The following TTC13 variants were observed in gnomAD, a reference collection of about 807,000 sequenced individuals.
TTC13 encodes tetratricopeptide repeat domain 13.
Under a neutral mutation model 120.0 loss-of-function variants are expected in TTC13, and 62 were observed. The ratio of observed to expected loss-of-function variants is 0.52; its 90% CI spans 0.42 to 0.64. The LOEUF is 0.64. TTC13 is among the 30% of genes least tolerant of loss of function. The pLI, the probability that TTC13 is intolerant of heterozygous loss-of-function variation, is 0.00. For missense variants in TTC13, 824 were observed against 1,050.2 expected (o/e 0.78, Z 2.98); for synonymous variants, 384 against 393.5 (o/e 0.98, Z 0.28).
intron 8 of TTC13, among the ~76,000 whole-genome samples, chr1:230,935,815 G>A (rs1191427193): frequency 6.6e-6 from 1 of 152,218 alleles, no homozygotes; most frequent in African/African-American, 2.4e-5. Flanking sequence ...TGCTGCAGTA[G>A]TTGGAGCAAG....
chr1:230,974,653 A>G (rs1678094152), intron 1 of TTC13, among the ~76,000 whole-genome samples: 1 of 152,162 alleles, frequency 6.6e-6, no homozygotes, highest in African/African-American at 2.4e-5. Flanking sequence ...CTCAAAACAT[A>G]CCCTGTTGTT....
In TTC13 at chr1:230,978,594, C is replaced by T. The variant is rs184909443; in HGVS notation, c.237G>A (p.Gly79=). 975 of 1,405,042 alleles carry T rather than the reference C, an allele frequency of 6.9e-4. 6 individuals are homozygous for T. The African/African-American group carries it at 0.013, about 18-fold the overall frequency. The allele number at this position is 1,405,042 out of a possible 1,614,324, so 87.0% of individuals were successfully genotyped here. A position where few individuals can be genotyped will look rare whatever the true frequency, so the allele number is the denominator to read the frequency against. ...CGGCAGAGTACTGGTCCCCCCAGTC[C>T]CCGGACTGCGGGCTGCAGCCGCCGC... The part of the protein sequence containing the change: ...AGGGGCSPQS[G]DWGDQYSAEC... Residue 79 remains glycine, a synonymous_variant, in exon 1 of 23, where the codon GGG becomes GGA. Transcript: ENST00000366661. The surrounding 1 kb of genome is among the most constrained non-coding windows in gnomAD (Gnocchi z 5.6).
rs1408729609 is a variant in TTC13, at chr1:230,906,450, C to T, written c.*455G>A. The T allele has an allele frequency of 6.6e-6, 1 of 152,252 alleles. No homozygotes were observed. Among genetic ancestry groups the T allele is most frequent in the Non-Finnish European group, 1.5e-5 (1 of 68,096 alleles). 9.4% of individuals were successfully genotyped at this position (152,252 alleles called of 1,614,324 possible). A position where few individuals can be genotyped will look rare whatever the true frequency, so the allele number is the denominator to read the frequency against. On this transcript the variant is annotated 3_prime_UTR_variant, in exon 23 of 23. Transcript: ENST00000366661. ...TCCATGGTTCTAATAAAACAAAGGA[C>T]CCACACATGGAGGTTACGTGAGTCA... is the stretch of plus-strand genomic sequence containing the variant.
intron 12 of TTC13, 106 bp from the exon 13 acceptor site, chr1:230,925,753 A>T (rs1421345365): frequency 1.6e-6 from 2 of 1,270,316 alleles, no homozygotes; most frequent in African/African-American, 1.5e-5. Context: ...CTAATGAAGC[A>T]GTCTACGACC....
At chr1:230,974,014 T>G (rs1293224873) in intron 1 of TTC13, among the ~76,000 whole-genome samples, 1 of 151,168 alleles carries the variant, frequency 6.6e-6, no homozygotes, top group East Asian at 1.9e-4. Flanking sequence ...GAGGCAGAGG[T>G]TGCAGTGAGC....
intron 1 of TTC13, among the ~76,000 whole-genome samples, chr1:230,963,962 G>C (rs1049384649): frequency 6.6e-6 from 1 of 152,122 alleles, no homozygotes; most frequent in Admixed American, 6.5e-5. Context: ...GGAGAATAAT[G>C]ACTCAATGAA....
chr1:230,974,585 C>T (rs1572314948), intron 1 of TTC13, among the ~76,000 whole-genome samples: 3 of 152,152 alleles, frequency 2.0e-5, no homozygotes, highest in African/African-American at 2.4e-5. Flanking sequence ...TATTCCATCT[C>T]GGTCTAAGTA....
chr1:230,947,698 C>T (rs1675131636), intron 4 of TTC13, among the ~76,000 whole-genome samples: 1 of 152,152 alleles, frequency 6.6e-6, no homozygotes, highest in Non-Finnish European at 1.5e-5. Flanking sequence ...CCAGGAAGAA[C>T]CAAACCTATG....
At chr1:230,947,400 G>A (rs576261985) in intron 4 of TTC13, among the ~76,000 whole-genome samples, 2 of 152,210 alleles carry the variant, frequency 1.3e-5, no homozygotes, top group African/African-American at 2.4e-5. Flanking sequence ...GTCAACAGTC[G>A]AACCGAACCC....
rs1171493228 is a variant in TTC13, at chr1:230,961,395, C to T, written c.272-92G>A. The T allele has an allele frequency of 3.3e-6, 3 of 913,882 alleles. No homozygotes were observed. The African/African-American group carries it at 5.0e-5, about 15-fold the overall frequency. The allele number at this position is 913,882 out of a possible 1,614,324, so 56.6% of individuals were successfully genotyped here. On this transcript the variant is annotated intron_variant, in intron 1 of 22. Coordinates refer to ENST00000366661, the MANE Select transcript of TTC13 (RefSeq NM_024525.5). Reference sequence around the variant, plus strand: ...ATTAGAATTTTTAGACTCCACAGAACCAAAATAAGAACAGGTGTGAATAAC... The same window carrying T: ...ATTAGAATTTTTAGACTCCACAGAATCAAAATAAGAACAGGTGTGAATAAC...
intron 3 of TTC13, among the ~76,000 whole-genome samples, chr1:230,957,937 CAAAT>C (rs1364311747): frequency 6.6e-6 from 1 of 152,136 alleles, no homozygotes; most frequent in African/African-American, 2.4e-5. Context: ...TGACAGCACA[CAAAT>C]AACCTTTTAC....
At chr1:230,925,017 G>T (rs1318823815) in intron 13 of TTC13, 44 bp from the exon 14 acceptor site, 1 of 1,608,982 alleles carries the variant, frequency 6.2e-7, no homozygotes, top group South Asian at 1.1e-5. Context: ...ACTTTAGAGG[G>T]ACTGAGTTCC....
intron 4 of TTC13, among the ~76,000 whole-genome samples, chr1:230,945,745 A>G (rs1674933163): frequency 6.6e-6 from 1 of 152,234 alleles, no homozygotes; most frequent in Non-Finnish European, 1.5e-5. Flanking sequence ...TTAAAATGCA[A>G]TCCTCTCAAC....
chr1:230,921,214 A>G (rs1183657372), intron 16 of TTC13, among the ~76,000 whole-genome samples: 1 of 152,224 alleles, frequency 6.6e-6, no homozygotes, highest in East Asian at 1.9e-4. Flanking sequence ...GTGCACATAA[A>G]GTTAAAAACA....
rs1229376002 is a variant in TTC13, at chr1:230,978,847, T to C, written c.-17A>G. On this transcript the variant is annotated 5_prime_UTR_variant, in exon 1 of 23. It removes an upstream start codon present in the reference 5' UTR. Transcript: ENST00000366661. The surrounding 1 kb of genome is among the most constrained non-coding windows in gnomAD (Gnocchi z 5.6). ...AGGTGCCATCTTCCCTCAAGGCGCATGCGCGACAGCCCTTGCCCGGCTCTC... is the reference window on the plus strand; with the variant it reads ...AGGTGCCATCTTCCCTCAAGGCGCACGCGCGACAGCCCTTGCCCGGCTCTC... 4 of 1,460,202 alleles carry C rather than the reference T, an allele frequency of 2.7e-6. No homozygotes were observed. Among genetic ancestry groups the C allele is most frequent in the Admixed American group, 2.6e-5 (1 of 38,390 alleles). 90.5% of individuals were successfully genotyped at this position (1,460,202 alleles called of 1,614,324 possible).
Position 230,943,887 on chromosome 1 carries a change from A to C in TTC13, c.591T>G (p.Asn197Lys). Residue 197 changes from asparagine (N) to lysine (K), a missense_variant, in exon 6 of 23, where the codon AAT becomes AAG. Physicochemically the swap from Asn to Lys is moderately conservative, Grantham distance 94. Coordinates refer to ENST00000366661, the MANE Select transcript of TTC13 (RefSeq NM_024525.5). Reference protein sequence around the residue: ...YGKKGLHDIKNAELALFELSR... With the variant: ...YGKKGLHDIKKAELALFELSR... ...TCAGTTCGAACAGAGCAAGCTCAGC[A>C]TTCTTAATGTCCTTGAAAAGGCATT... 1 of 1,609,040 alleles carries C rather than the reference A, an allele frequency of 6.2e-7. No individual in the cohort carries two copies. The highest frequency in any genetic ancestry group is 1.1e-5 in the South Asian group (1 of 90,488).
At chr1:230,912,291 T>C (rs1437987527) in intron 19 of TTC13, among the ~76,000 whole-genome samples, 1 of 152,148 alleles carries the variant, frequency 6.6e-6, no homozygotes, top group Non-Finnish European at 1.5e-5. Flanking sequence ...AATATACGGT[T>C]ATAAGCAACA....
chr1:230,963,885 T>A (rs1448627676), intron 1 of TTC13, among the ~76,000 whole-genome samples: 5 of 152,098 alleles, frequency 3.3e-5, no homozygotes, highest in Admixed American at 3.3e-4. Flanking sequence ...GAAAGTCTGA[T>A]CTGAACCCCA....
At chr1:230,961,058 T>C (rs1218111455) in intron 2 of TTC13, 151 bp downstream of exon 2, 5 of 589,018 alleles carry the variant, frequency 8.5e-6, no homozygotes, top group Non-Finnish European at 1.5e-5. Context: ...CATAATTCAA[T>C]GTGGCAAAAT....
Sources: allele counts gnomAD v4.1 joint callset (sites outside exome capture counted in the v4.1 genomes callset), GRCh38; gene constraint gnomAD v4.1.1; non-coding constraint Gnocchi (gnomAD v3.1); transcripts MANE v1.5; gene names NCBI Gene and HGNC (gene_info 2026-07-23, HGNC 2026-07-21).